The following SH3BP2 variants were observed in gnomAD, a reference collection of about 807,000 sequenced individuals.
The protein encoded by SH3BP2 is SH3 domain-binding protein 2.
SH3BP2 carries 38 observed loss-of-function variants against 56.2 expected under a neutral mutation model. The observed-to-expected ratio is 0.68, with a 90% CI of 0.52 to 0.89. SH3BP2 has a LOEUF of 0.89. Ranked by LOEUF, SH3BP2 falls within the 40% of genes least tolerant of loss-of-function variation. SH3BP2 has a pLI of 0.00. For synonymous variants in SH3BP2, 346 were observed against 316.7 expected (o/e 1.09, Z -0.98); for missense variants, 748 against 762.6 (o/e 0.98, Z 0.23).
chr4:2,825,889 C>T (rs73082303), intron 5 of SH3BP2, among the ~76,000 whole-genome samples: 7,733 of 152,328 alleles, frequency 0.051, 247 homozygotes, highest in South Asian at 0.089. Flanking sequence ...GCTGGCCCGA[C>T]GTGCAGCAGA....
At position 2,832,731 on chromosome 4, in the gene SH3BP2, A is replaced by G. The variant is rs576619822; in HGVS notation, c.1489-259A>G. 1.4e-4 allele frequency among the ~76,000 whole-genome samples: 21 copies of G among 152,092 alleles called. No individual in the cohort carries two copies. In the South Asian group the frequency reaches 4.2e-3, roughly 30 times the overall value. ...GTGTCCCTCCGAGCGTGAAGTTGTG[A>G]CCTCACTGAGCCATGCTCTCCCGGG... On this transcript the variant is annotated intron_variant, in intron 11 of 12. Coordinates refer to ENST00000503393, the MANE Select transcript of SH3BP2 (RefSeq NM_001122681.2).
chr4:2,812,896 C>T (rs958669745), intron 1 of SH3BP2, among the ~76,000 whole-genome samples: 3 of 151,970 alleles, frequency 2.0e-5, no homozygotes, highest in Non-Finnish European at 4.4e-5. Context: ...GGGGGGGTAA[C>T]GGAGAGAGCT....
At chr4:2,812,582 C>T in intron 1 of SH3BP2, 1 of 1,410,512 alleles carries the variant, frequency 7.1e-7, no homozygotes, top group South Asian at 1.4e-5. Flanking sequence ...TTCCTCGGGG[C>T]TGGCCGTGGG....
intron 5 of SH3BP2, among the ~76,000 whole-genome samples, chr4:2,825,941 G>A (rs146499643): frequency 4.3e-4 from 65 of 152,364 alleles, no homozygotes; most frequent in African/African-American, 1.5e-3. Context: ...ACGATGTGGA[G>A]GGAACAAACC....
At chr4:2,818,484 G>A (rs1724115216) in intron 1 of SH3BP2, 4 of 690,872 alleles carry the variant, frequency 5.8e-6, no homozygotes, top group African/African-American at 1.9e-5. Context: ...CCAGGGCCGC[G>A]AGCCCCGGGC....
intron 1 of SH3BP2, among the ~76,000 whole-genome samples, chr4:2,809,206 T>A (rs1422328364): frequency 2.7e-4 from 8 of 29,166 alleles, no homozygotes; most frequent in Non-Finnish European, 3.2e-4. Flanking sequence ...CCCCAGGCTC[T>A]GTGCCCACCC....
intron 3 of SH3BP2, chr4:2,823,315 C>T: frequency 1.8e-6 from 1 of 543,328 alleles, no homozygotes; most frequent in Non-Finnish European, 3.5e-6. Context: ...CCAGAGTCTC[C>T]ACTCGGCCAC....
At chr4:2,798,420 C>T (rs1003755256) in intron 1 of SH3BP2, 6 of 152,268 alleles carry the variant, frequency 3.9e-5, no homozygotes, top group African/African-American at 1.4e-4. Context: ...AAAAGCTGGC[C>T]TGGGAGCCCT....
At chr4:2,813,266 G>C (rs1723842750) in intron 1 of SH3BP2, among the ~76,000 whole-genome samples, 1 of 152,234 alleles carries the variant, frequency 6.6e-6, no homozygotes, top group African/African-American at 2.4e-5. Context: ...CGCCAAGCTG[G>C]GCCGTGGCTG....
rs924633122 is a variant in SH3BP2, at chr4:2,834,761, C to T, written c.*927C>T. The T allele has an allele frequency of 6.6e-6, 1 of 152,372 alleles. No homozygotes were observed. The highest frequency in any genetic ancestry group is 1.5e-5 in the Non-Finnish European group (1 of 68,120). The allele number at this position is 152,372 out of a possible 1,614,324, so 9.4% of individuals were successfully genotyped here. Reference sequence around the variant, plus strand: ...CCTGCATGCCTGGTCCCATTCCAGACAGGGGCCTCTGGCCTGGCTGAGTTC... The same window carrying T: ...CCTGCATGCCTGGTCCCATTCCAGATAGGGGCCTCTGGCCTGGCTGAGTTC... On this transcript the variant is annotated 3_prime_UTR_variant, in exon 13 of 13. Transcript: ENST00000503393.
chr4:2,813,477 A>G (rs1451790859), intron 1 of SH3BP2, among the ~76,000 whole-genome samples: 1 of 152,190 alleles, frequency 6.6e-6, no homozygotes, highest in Non-Finnish European at 1.5e-5. Context: ...CCCAGCCTCT[A>G]TACCCAAGTC....
intron 1 of SH3BP2, among the ~76,000 whole-genome samples, chr4:2,800,973 G>A (rs991571695): frequency 7.9e-5 from 11 of 138,482 alleles, no homozygotes; most frequent in Non-Finnish European, 1.7e-4. Context: ...CAGCAGAAAG[G>A]CTGTGACAGG....
In SH3BP2 at chr4:2,829,765, A is replaced by T. The variant is rs1724874720; in HGVS notation, c.859A>T (p.Thr287Ser). ...CGATCCCCCTCTGAGCACCATGCCC[A>T]CCGCACCCGGCCTCCGGAAACCCCC... is the stretch of plus-strand genomic sequence containing the variant. Reference protein sequence around the residue: ...MSDPPLSTMPTAPGLRKPPCF... With the variant: ...MSDPPLSTMPSAPGLRKPPCF... The change falls in exon 8 of 13, where the codon ACC (threonine) becomes TCC (serine). Residue 287 changes from threonine (T) to serine (S), a missense_variant. By Grantham distance (58) the Thr-to-Ser change is moderately conservative. This residue lies in a region of SH3BP2 where 635 missense variants were observed against 615.0 expected (regional missense o/e 1.03). Coordinates refer to ENST00000503393, the MANE Select transcript of SH3BP2 (RefSeq NM_001122681.2). This position sits in a 1 kb window ranked among gnomAD's most constrained non-coding sequence, Gnocchi z 4.9. The T allele has an allele frequency of 1.2e-6, 2 of 1,612,772 alleles. No homozygotes were observed.
In SH3BP2 at chr4:2,801,184, C is replaced by T. The variant is rs150457439; in HGVS notation, c.-5+8046C>T. ...GAGGCTGGGGGCTGGGCTCCTTTCC[C>T]GGCAGGCCGGGCCCACCGCCAGACC... On this transcript the variant is annotated intron_variant, in intron 1 of 12. Coordinates refer to ENST00000503393, the MANE Select transcript of SH3BP2 (RefSeq NM_001122681.2). 1.4e-3 allele frequency among the ~76,000 whole-genome samples: 219 copies of T among 151,614 alleles called. 1 individual carries two copies. In the East Asian group the frequency reaches 0.018, roughly 12 times the overall value.
chr4:2,818,487 C>A, intron 1 of SH3BP2: 2 of 665,236 alleles, frequency 3.0e-6, no homozygotes, highest in Non-Finnish European at 3.9e-6. Context: ...GGGCCGCGAG[C>A]CCCGGGCGCT....
chr4:2,832,065 G>T, intron 10 of SH3BP2, 87 bp downstream of exon 10: 1 of 1,418,364 alleles, frequency 7.1e-7, no homozygotes, highest in South Asian at 1.2e-5. Context: ...CCGTGTTGGG[G>T]AGTTGCTGGC....
rs761637261 is a variant in SH3BP2, at chr4:2,838,333, A to T, written c.*4499A>T. The T allele has an allele frequency of 6.6e-6, 1 of 152,114 alleles. No homozygotes were observed. Among genetic ancestry groups the T allele is most frequent in the African/African-American group, 2.4e-5 (1 of 41,406 alleles). 9.4% of individuals were successfully genotyped at this position (152,114 alleles called of 1,614,324 possible). On this transcript the variant is annotated 3_prime_UTR_variant, in exon 13 of 13. Coordinates refer to ENST00000503393, the MANE Select transcript of SH3BP2 (RefSeq NM_001122681.2). ...TTTTCTAAAAAGTCTTCAGCACCCA[A>T]TTATGCAGGCATTGCAGTATTTTCC...
At chr4:2,824,471 A>C in intron 3 of SH3BP2, 142 bp from the exon 4 acceptor site, 1 of 660,774 alleles carries the variant, frequency 1.5e-6, no homozygotes, top group East Asian at 2.7e-5. Context: ...TACTGGGAGC[A>C]TCAGCAGCCA....
intron 1 of SH3BP2, among the ~76,000 whole-genome samples, chr4:2,802,456 GTGTGTATATATGTGTA>G (rs1560095873): frequency 6.9e-6 from 1 of 145,680 alleles, no homozygotes; most frequent in East Asian, 2.1e-4. Flanking sequence ...GTATATATGT[GTGTGTATATATGTGTA>G]TGTGTATATA....
Sources: allele counts gnomAD v4.1 joint callset (sites outside exome capture counted in the v4.1 genomes callset), GRCh38; gene constraint gnomAD v4.1.1; regional missense constraint gnomAD v4.1.1; non-coding constraint Gnocchi (gnomAD v3.1); transcripts MANE v1.5; gene names NCBI Gene and HGNC (gene_info 2026-07-23, HGNC 2026-07-21).